The following PDE3A variants were observed in gnomAD, a reference collection of about 807,000 sequenced individuals.
PDE3A encodes the protein phosphodiesterase 3A, also known as cGMP-inhibited 3',5'-cyclic phosphodiesterase 3A.
Under a neutral mutation model 98.3 loss-of-function variants are expected in PDE3A, and 43 were observed. That is an observed-to-expected ratio of 0.44 (90% CI 0.34 to 0.56). PDE3A has a LOEUF of 0.56. Ranked by LOEUF, PDE3A falls within the 20% of genes least tolerant of loss-of-function variation. The pLI, the probability that PDE3A is intolerant of heterozygous loss-of-function variation, is 0.01. For missense variants in PDE3A, 1,427 were observed against 1,440.7 expected (o/e 0.99, Z 0.15); for synonymous variants, 663 against 567.9 (o/e 1.17, Z -2.38).
intron 1 of PDE3A, among the ~76,000 whole-genome samples, chr12:20,501,051 A>G (rs956264268): frequency 1.3e-5 from 2 of 152,166 alleles, no homozygotes; most frequent in Non-Finnish European, 1.5e-5. Flanking sequence ...TATAGGCATG[A>G]GCCCCGGCAG....
chr12:20,429,247 C>A (rs1944654763), intron 1 of PDE3A, among the ~76,000 whole-genome samples: 1 of 152,132 alleles, frequency 6.6e-6, no homozygotes, highest in African/African-American at 2.4e-5. Flanking sequence ...TTGACATCTA[C>A]AATTAAGCCC....
chr12:20,482,541 C>A (rs1490734327), intron 1 of PDE3A, among the ~76,000 whole-genome samples: 1 of 152,148 alleles, frequency 6.6e-6, no homozygotes, highest in Non-Finnish European at 1.5e-5. Context: ...ATCAAGCTGG[C>A]TGAGCTATAA....
At chr12:20,504,953 G>A (rs1184251344) in intron 1 of PDE3A, among the ~76,000 whole-genome samples, 1 of 152,024 alleles carries the variant, frequency 6.6e-6, no homozygotes, top group Non-Finnish European at 1.5e-5. Flanking sequence ...TTTGGGGGCT[G>A]TTTTTCTGCC....
intron 1 of PDE3A, among the ~76,000 whole-genome samples, chr12:20,546,207 C>T (rs547326356): frequency 3.3e-5 from 5 of 152,096 alleles, no homozygotes; most frequent in African/African-American, 9.6e-5. Flanking sequence ...CCAGTATTGA[C>T]GACTGGAGGG....
rs1251431245 is a variant in PDE3A, at chr12:20,552,506, A to G, written c.961-4154A>G. 2.5e-6 allele frequency: 4 copies of G among 1,612,962 alleles called. No homozygotes were observed. Among genetic ancestry groups the G allele is most frequent in the Non-Finnish European group, 3.4e-6 (4 of 1,179,614 alleles). ...CGAGAGCGAGAGAAGGAGAACAGCAAGAGGGAGGAGGAGGAGCAGCAGGAG... is the reference window on the plus strand; with the variant it reads ...CGAGAGCGAGAGAAGGAGAACAGCAGGAGGGAGGAGGAGGAGCAGCAGGAG... On this transcript the variant is annotated intron_variant, in intron 1 of 15. Coordinates refer to ENST00000359062, the MANE Select transcript of PDE3A (RefSeq NM_000921.5). The surrounding 1 kb of genome is among the most constrained non-coding windows in gnomAD (Gnocchi z 5.1).
Position 20,482,230 on chromosome 12 carries a change from A to AT in PDE3A, c.961-74421dup, listed in dbSNP as rs200344825. ...CTAAAAGTATTCATTGCACACATGT[A>AT]TTTTTTTTTCTGTAAAAAAAAAAAA... On this transcript the variant is annotated intron_variant, in intron 1 of 15. Coordinates refer to ENST00000359062, the MANE Select transcript of PDE3A (RefSeq NM_000921.5). Among the ~76,000 whole-genome samples, 250 of 132,742 alleles carry AT rather than the reference A, an allele frequency of 1.9e-3. 2 individuals carry two copies. In the East Asian group the frequency reaches 0.022, roughly 12 times the overall value. The allele number at this position is 132,742 out of a possible 152,430, so 87.1% of individuals were successfully genotyped here. A position where few individuals can be genotyped will look rare whatever the true frequency, so the allele number is the denominator to read the frequency against.
intron 1 of PDE3A, among the ~76,000 whole-genome samples, chr12:20,427,790 AT>A (rs1208711349): frequency 6.6e-6 from 1 of 151,218 alleles, no homozygotes; most frequent in African/African-American, 2.4e-5. Context: ...GCACAGTCAC[AT>A]TTTTTTTTCT....
At chr12:20,669,530 G>A (rs1482630558) in intron 15 of PDE3A, among the ~76,000 whole-genome samples, 1 of 151,018 alleles carries the variant, frequency 6.6e-6, no homozygotes, top group Non-Finnish European at 1.5e-5. Flanking sequence ...CCAGAAGAGA[G>A]TGGGGGCCAA....
chr12:20,428,454 T>G (rs1198779897), intron 1 of PDE3A, among the ~76,000 whole-genome samples: 1 of 152,000 alleles, frequency 6.6e-6, no homozygotes, highest in African/African-American at 2.4e-5. Flanking sequence ...TAATTTTTTT[T>G]GTATTTTTAG....
At chr12:20,624,620 C>T (rs1344195442) in intron 5 of PDE3A, among the ~76,000 whole-genome samples, 1 of 152,134 alleles carries the variant, frequency 6.6e-6, no homozygotes, top group African/African-American at 2.4e-5. Context: ...TGCATTGTGG[C>T]ATCTTTAGAC....
chr12:20,567,651 C>G (rs577950894), intron 2 of PDE3A, among the ~76,000 whole-genome samples: 70 of 151,642 alleles, frequency 4.6e-4, no homozygotes, highest in African/African-American at 1.6e-3. Flanking sequence ...CTTTTTTTCT[C>G]TTATCACATG....
chr12:20,454,450 G>A (rs940711130), intron 1 of PDE3A, among the ~76,000 whole-genome samples: 1 of 152,194 alleles, frequency 6.6e-6, no homozygotes, highest in Non-Finnish European at 1.5e-5. Context: ...AGCTCAGTAA[G>A]AGGAGGGCTT....
intron 13 of PDE3A, 26 bp from the exon 14 acceptor site, chr12:20,650,419 A>T (rs374354475): frequency 2.0e-6 from 3 of 1,536,670 alleles, no homozygotes; most frequent in African/African-American, 2.7e-5. Flanking sequence ...AAAGCAAAAC[A>T]TATATTAACT....
intron 1 of PDE3A, among the ~76,000 whole-genome samples, chr12:20,370,933 T>C (rs1177055974): frequency 1.3e-5 from 2 of 152,224 alleles, no homozygotes; most frequent in Admixed American, 6.5e-5. Flanking sequence ...TGTCTGAACT[T>C]TGGAATTGTT....
intron 1 of PDE3A, among the ~76,000 whole-genome samples, chr12:20,546,433 C>G (rs1460116705): frequency 6.6e-6 from 1 of 151,748 alleles, no homozygotes; most frequent in Non-Finnish European, 1.5e-5. Context: ...CTGGCCTAAA[C>G]TATCAGAGAT....
intron 1 of PDE3A, among the ~76,000 whole-genome samples, chr12:20,515,846 C>T (rs575158370): frequency 3.7e-4 from 55 of 149,772 alleles, no homozygotes; most frequent in Non-Finnish European, 6.7e-4. Context: ...CATTCTCCTG[C>T]CTCAGCCTCC....
intron 1 of PDE3A, among the ~76,000 whole-genome samples, chr12:20,546,974 T>C (rs993100089): frequency 1.3e-5 from 2 of 152,036 alleles, no homozygotes; most frequent in Non-Finnish European, 2.9e-5. Flanking sequence ...AAATACCAAA[T>C]ATATAGCTAT....
intron 1 of PDE3A, among the ~76,000 whole-genome samples, chr12:20,495,154 T>C (rs1945898263): frequency 6.6e-6 from 1 of 152,136 alleles, no homozygotes; most frequent in Non-Finnish European, 1.5e-5. Context: ...TTGAAATGTG[T>C]TCAATCAATG....
intron 2 of PDE3A, among the ~76,000 whole-genome samples, chr12:20,607,726 T>A (rs926656833): frequency 6.6e-6 from 1 of 151,812 alleles, no homozygotes; most frequent in Non-Finnish European, 1.5e-5. Context: ...TTTTTTTTTT[T>A]AAAGGAAAAG....
Sources: allele counts gnomAD v4.1 joint callset (sites outside exome capture counted in the v4.1 genomes callset), GRCh38; gene constraint gnomAD v4.1.1; non-coding constraint Gnocchi (gnomAD v3.1); transcripts MANE v1.5; gene names NCBI Gene and HGNC (gene_info 2026-07-23, HGNC 2026-07-21).